CYSLTR1: variants seen among roughly 807,000 people sequenced by gnomAD.
CYSLTR1 encodes the protein cysteinyl leukotriene receptor 1.
CYSLTR1 carries 1 observed loss-of-function variant against 2.1 expected under a neutral mutation model. The observed-to-expected ratio is 0.48, with a 90% CI of 0.17 to 2.28. The LOEUF (loss-of-function observed/expected upper bound fraction) is 2.28, where lower values mean the gene tolerates loss of function less well. Among genes scored for constraint, CYSLTR1 ranks in the 30% most tolerant of loss-of-function variants. CYSLTR1 has a pLI of 0.26. For synonymous variants in CYSLTR1, 110 were observed against 89.6 expected, an observed-to-expected ratio of 1.23 and a Z score of -1.28; for missense variants, 299 against 250.1, an observed-to-expected ratio of 1.20 and a Z score of -1.32.
intron 1 of CYSLTR1, among the ~76,000 whole-genome samples, chrX:78,313,957 T>C (rs73226152): frequency 0.056 from 6,216 of 111,329 alleles, 140 homozygotes; most frequent in East Asian, 0.094. Context: ...AGAAAAGTAA[T>C]GATTTAGAGT....
chrX:78,313,650 TAGTC>T (rs1923296898), intron 1 of CYSLTR1, among the ~76,000 whole-genome samples: 1 of 111,595 alleles, frequency 9.0e-6, no homozygotes. Context: ...CTATGGGCTT[TAGTC>T]AGAGTGTTGT....
In CYSLTR1 at chrX:78,271,877, A is replaced by T. The variant is rs1921275694; in HGVS notation, c.*856T>A. The T allele has an allele frequency of 8.9e-6, 1 of 112,307 alleles. No individual in the cohort carries two copies. The highest frequency in any genetic ancestry group is 9.5e-5 in the Admixed American group (1 of 10,475). The allele number at this position is 112,307 out of a possible 1,213,427, so 9.3% of individuals were successfully genotyped here. On this transcript the variant is annotated 3_prime_UTR_variant, in exon 3 of 3. Transcript: ENST00000373304. ...TGATCCCAGCAATTGGCATATAGAA[A>T]AGTAGATTCCTTTTCCTTTTCTCTT...
intron 1 of CYSLTR1, among the ~76,000 whole-genome samples, chrX:78,285,536 T>C (rs912331035): frequency 8.9e-6 from 1 of 112,174 alleles, no homozygotes; most frequent in African/African-American, 3.2e-5. Context: ...AAAGCTTATA[T>C]TTTTCCCTAG....
At chrX:78,295,928 C>T (rs1395944254) in intron 1 of CYSLTR1, among the ~76,000 whole-genome samples, 2 of 110,951 alleles carry the variant, frequency 1.8e-5, no homozygotes, top group Non-Finnish European at 3.8e-5. Flanking sequence ...ATTTTTTGCT[C>T]TGGTTGCCTG....
At chrX:78,299,287 G>A (rs1364299945) in intron 1 of CYSLTR1, among the ~76,000 whole-genome samples, 1 of 111,412 alleles carries the variant, frequency 9.0e-6, no homozygotes, top group Non-Finnish European at 1.9e-5. Flanking sequence ...TTGGTTCATT[G>A]TTTAATCTTT....
Position 78,301,160 on chromosome X carries a change from G to C in CYSLTR1, c.-114-17620C>G, listed in dbSNP as rs1320479174. ...TTTTTCCTCCTATGCCTCTGGGCCT[G>C]TGATGGGAGGGGCTGCTGCAAAGGT... On this transcript the variant is annotated intron_variant, in intron 1 of 2. Transcript: ENST00000373304. Among the ~76,000 whole-genome samples, 4 of 112,212 alleles carry C rather than the reference G, an allele frequency of 3.6e-5. 1 individual carries two copies. The highest frequency in any genetic ancestry group is 1.3e-4 in the African/African-American group (4 of 30,908).
chrX:78,299,192 A>C (rs321085), intron 1 of CYSLTR1, among the ~76,000 whole-genome samples: 1 of 110,130 alleles, frequency 9.1e-6, no homozygotes, highest in Non-Finnish European at 1.9e-5. Context: ...ACTTTATCCC[A>C]CAACTTTTTA....
At chrX:78,317,090 C>G (rs904882640) in intron 1 of CYSLTR1, among the ~76,000 whole-genome samples, 7 of 112,059 alleles carry the variant, frequency 6.2e-5, no homozygotes, top group Non-Finnish European at 9.4e-5. Flanking sequence ...ATGCATCTGA[C>G]AAACAACTAA....
intron 1 of CYSLTR1, among the ~76,000 whole-genome samples, chrX:78,309,779 C>A (rs1923155581): frequency 9.0e-6 from 1 of 111,598 alleles, no homozygotes; most frequent in Admixed American, 9.5e-5. Flanking sequence ...ATCTAATACA[C>A]TCCCCTCATG....
rs1922533164 is a variant in CYSLTR1 at position 78,295,374 on chromosome X, T to G, written c.-114-11834A>C. On this transcript the variant is annotated intron_variant, in intron 1 of 2. Transcript: ENST00000373304. ...TCTCTTTGATATCCTGATTTCCTTT[T>G]TTTTTTTTTTTTTGCGGGGGTGGGG... Among the ~76,000 whole-genome samples the G allele has an allele frequency of 3.9e-5, 4 of 103,176 alleles. No individual in the cohort carries two copies. The Admixed American group carries it at 4.1e-4, about 11-fold the overall frequency. 89.6% of individuals were successfully genotyped at this position (103,176 alleles called of 115,157 possible).
intron 1 of CYSLTR1, among the ~76,000 whole-genome samples, chrX:78,308,883 G>A (rs957935676): frequency 1.8e-5 from 2 of 111,158 alleles, no homozygotes; most frequent in African/African-American, 6.5e-5. Flanking sequence ...GATTATGTGT[G>A]AGGATGACAC....
chrX:78,297,987 G>GT (rs1343203686), intron 1 of CYSLTR1, among the ~76,000 whole-genome samples: 1 of 110,758 alleles, frequency 9.0e-6, no homozygotes, highest in Non-Finnish European at 1.9e-5. Flanking sequence ...GAAGTTTTCT[G>GT]TTTTTTATAA....
At chrX:78,276,629 A>G (rs1195507715) in intron 2 of CYSLTR1, among the ~76,000 whole-genome samples, 3 of 110,795 alleles carry the variant, frequency 2.7e-5, no homozygotes, top group Non-Finnish European at 5.7e-5. Context: ...TTTCCCTTTC[A>G]TTAAAAAAGT....
intron 1 of CYSLTR1, among the ~76,000 whole-genome samples, chrX:78,301,318 T>G (rs1389392904): frequency 8.9e-6 from 1 of 112,477 alleles, no homozygotes; most frequent in Non-Finnish European, 1.9e-5. Flanking sequence ...TATTGCATCA[T>G]CAGGCTGCAA....
chrX:78,273,009 G>A lies in CYSLTR1; in HGVS notation c.738C>T (p.Phe246=), dbSNP rs1348314734. Reference sequence around the variant, plus strand: ...TGGTACGTTGAATATGATATGGCATGAAACTGACTAAAAAGGCAGCGGTCA... The same window carrying A: ...TGGTACGTTGAATATGATATGGCATAAAACTGACTAAAAAGGCAGCGGTCA... ...MVVTAAFLVS[F]MPYHIQRTIH... is the part of the protein sequence containing the mutation. Residue 246 remains phenylalanine (F), a synonymous_variant, in exon 3 of 3, where the codon TTC becomes TTT. Coordinates refer to ENST00000373304, the MANE Select transcript of CYSLTR1 (RefSeq NM_006639.4). The A allele has an allele frequency of 8.3e-6, 10 of 1,209,824 alleles. No homozygotes were observed. The Admixed American group carries it at 1.1e-4, about 13-fold the overall frequency.
chrX:78,316,724 C>T (rs966138222), intron 1 of CYSLTR1, among the ~76,000 whole-genome samples: 1 of 111,723 alleles, frequency 9.0e-6, no homozygotes, highest in African/African-American at 3.3e-5. Context: ...CAAACAAAAA[C>T]ATAAACTGGG....
At chrX:78,300,266 G>A (rs1007276145) in intron 1 of CYSLTR1, among the ~76,000 whole-genome samples, 3 of 112,512 alleles carry the variant, frequency 2.7e-5, no homozygotes, top group Admixed American at 9.4e-5. Flanking sequence ...GAATGGTCAC[G>A]TATCTCTGTT....
rs1468037025 is a variant in CYSLTR1, at chrX:78,273,677, G to T, written c.70C>A (p.Gln24Lys). The T allele has an allele frequency of 1.1e-5, 13 of 1,209,263 alleles. No individual in the cohort carries two copies. Among genetic ancestry groups the T allele is most frequent in the Non-Finnish European group, 1.5e-5 (13 of 894,620 alleles). ...ATAGAGTACAAGGTGGAATACACTT[G>T]ATTGCGGAAGTCATCAATAGTGTCA... ...CHDTIDDFRNQVYSTLYSMIS... is the reference protein window; with the variant it reads ...CHDTIDDFRNKVYSTLYSMIS... The change falls in exon 3 of 3, where the codon CAA becomes AAA. Residue 24 changes from glutamine (Q) to lysine (K), a missense_variant. By Grantham distance (53) the Gln-to-Lys change is moderately conservative (BLOSUM62 1). Transcript: ENST00000373304.
chrX:78,322,754 T>C (rs778047668), intron 1 of CYSLTR1, among the ~76,000 whole-genome samples: 21 of 112,117 alleles, frequency 1.9e-4, no homozygotes, highest in Non-Finnish European at 3.9e-4. Context: ...ATATGTATTC[T>C]CATTGGTATT....
Sources: gnomAD v4.1 joint callset for allele counts (sites outside exome capture counted in the v4.1 genomes callset) on GRCh38, gnomAD v4.1.1 for gene constraint, MANE v1.5 for transcripts, NCBI Gene and HGNC (gene_info 2026-07-23, HGNC 2026-07-21) for gene names.